The following TMTC2 variants were observed in gnomAD, a reference collection of about 807,000 sequenced individuals.
TMTC2 encodes the protein protein O-mannosyl-transferase TMTC2.
A neutral mutation model predicts 82.4 loss-of-function variants in TMTC2; 43 were observed. That is an observed-to-expected ratio of 0.52 (90% CI 0.41 to 0.67). The LOEUF is 0.67. Ranked by LOEUF, TMTC2 falls within the 30% of genes least tolerant of loss-of-function variation. The pLI is 0.00. For missense variants in TMTC2, 919 were observed against 1,012.4 expected, an observed-to-expected ratio of 0.91 and a Z score of 1.25; for synonymous variants, 408 against 381.9, an observed-to-expected ratio of 1.07 and a Z score of -0.80.
In TMTC2 at chr12:83,134,291, A is replaced by C. The variant is rs1413729650; in HGVS notation, c.*1902A>C. 1.8e-5 allele frequency: 1 copy of C among 55,402 alleles called. No individual in the cohort carries two copies. The highest frequency in any genetic ancestry group is 7.0e-4 in the South Asian group (1 of 1,432). The allele number at this position is 55,402 out of a possible 1,614,324, so 3.4% of individuals were successfully genotyped here. On this transcript the variant is annotated 3_prime_UTR_variant, in exon 12 of 12. Coordinates refer to ENST00000321196, the MANE Select transcript of TMTC2 (RefSeq NM_152588.3). Reference sequence around the variant, plus strand: ...CATCTTTTAGTGCATTGGCAATTGCAAAAAAAAAAAAGGAATTTAATATAA... The same window carrying C: ...CATCTTTTAGTGCATTGGCAATTGCCAAAAAAAAAAAGGAATTTAATATAA...
intron 8 of TMTC2, among the ~76,000 whole-genome samples, chr12:82,990,523 C>G (rs542650761): frequency 1.3e-5 from 2 of 152,092 alleles, no homozygotes; most frequent in South Asian, 4.2e-4. Flanking sequence ...TTATTTCTTC[C>G]GTGAAGTCTT....
At chr12:82,995,930 A>G (rs1879598008) in intron 8 of TMTC2, among the ~76,000 whole-genome samples, 1 of 152,152 alleles carries the variant, frequency 6.6e-6, no homozygotes, top group Non-Finnish European at 1.5e-5. Flanking sequence ...GAGCCACCAC[A>G]CCAGCCCTTT....
intron 1 of TMTC2, among the ~76,000 whole-genome samples, chr12:82,751,566 ATAAAGT>A (rs1173459213): frequency 1.3e-5 from 2 of 152,030 alleles, no homozygotes; most frequent in Non-Finnish European, 2.9e-5. Context: ...AATAAAATAT[ATAAAGT>A]TATTTTGGAA....
At chr12:82,708,324 G>C (rs1186599752) in intron 1 of TMTC2, among the ~76,000 whole-genome samples, 3 of 152,304 alleles carry the variant, frequency 2.0e-5, no homozygotes, top group South Asian at 2.1e-4. Flanking sequence ...ACAGGTCTAC[G>C]ATGTAATTGT....
chr12:82,763,856 C>T (rs773054312), intron 1 of TMTC2, among the ~76,000 whole-genome samples: 24 of 152,092 alleles, frequency 1.6e-4, no homozygotes, highest in Non-Finnish European at 3.2e-4. Flanking sequence ...TTTCAGAGAA[C>T]GTAATAGCTT....
chr12:82,959,674 CAAGATGGATTA>C lies in TMTC2; in HGVS notation c.1599-5344_1599-5334del, dbSNP rs562540074. The stretch of plus-strand genomic sequence containing the variant: ...TTTCACCATATATAAAAAATTAACT[CAAGATGGATTA>C]AAGATTTAAGTGTAAGTCCTCAAAG... On this transcript the variant is annotated intron_variant, in intron 4 of 11. Coordinates refer to ENST00000321196, the MANE Select transcript of TMTC2 (RefSeq NM_152588.3). Among the ~76,000 whole-genome samples, 151 of 152,098 alleles carry C rather than the reference CAAGATGGATTA, an allele frequency of 9.9e-4. 1 individual carries two copies. The highest frequency in any genetic ancestry group is 1.8e-3 in the Non-Finnish European group (124 of 67,976).
intron 1 of TMTC2, among the ~76,000 whole-genome samples, chr12:82,841,995 C>T (rs2137090763): frequency 6.6e-6 from 1 of 152,204 alleles, no homozygotes; most frequent in East Asian, 1.9e-4. Context: ...ATATGGATTC[C>T]AGACAAAATG....
At chr12:82,746,511 C>G (rs922193672) in intron 1 of TMTC2, among the ~76,000 whole-genome samples, 13 of 152,070 alleles carry the variant, frequency 8.5e-5, no homozygotes, top group African/African-American at 3.1e-4. Context: ...GGACATACAC[C>G]CACATGAACC....
Position 82,687,600 on chromosome 12 carries a change from T to C in TMTC2, c.14T>C (p.Leu5Ser), listed in dbSNP as rs2136877259. ...GGCGGTGGAGAGATGATTGCAGAGT[T>C]GGTGAGCAGCGCTCTGGGGCTCGCC... is the stretch of plus-strand genomic sequence containing the variant. MIAE[L>S]VSSALGLALY... Residue 5 changes from leucine to serine, a missense_variant, in exon 1 of 12, where the codon TTG becomes TCG. Physicochemically the swap from Leu to Ser is moderately radical, Grantham distance 145. Coordinates refer to ENST00000321196, the MANE Select transcript of TMTC2 (RefSeq NM_152588.3). 6.2e-7 allele frequency: 1 copy of C among 1,600,168 alleles called. No homozygotes were observed. Among genetic ancestry groups the C allele is most frequent in the Non-Finnish European group, 8.5e-7 (1 of 1,174,794 alleles).
At chr12:83,039,843 G>T (rs7962040) in intron 9 of TMTC2, among the ~76,000 whole-genome samples, 6 of 152,218 alleles carry the variant, frequency 3.9e-5, no homozygotes, top group African/African-American at 1.4e-4. Context: ...AGAAAGAAAT[G>T]AAACTGTGTT....
intron 2 of TMTC2, among the ~76,000 whole-genome samples, chr12:82,866,253 A>AAAC (rs1555192478): frequency 7.3e-5 from 11 of 151,524 alleles, no homozygotes; most frequent in African/African-American, 2.7e-4. Context: ...TCAAAAAAAA[A>AAAC]AAAAAAAAAA....
chr12:82,803,789 TA>T (rs1303955024), intron 1 of TMTC2, among the ~76,000 whole-genome samples: 1 of 152,020 alleles, frequency 6.6e-6, no homozygotes, highest in Non-Finnish European at 1.5e-5. Context: ...TACCAACATA[TA>T]AAACCCCAAA....
intron 11 of TMTC2, among the ~76,000 whole-genome samples, chr12:83,109,998 A>G (rs1446491260): frequency 6.6e-6 from 1 of 152,142 alleles, no homozygotes; most frequent in East Asian, 1.9e-4. Flanking sequence ...TTTTCTAGAC[A>G]TTTATTCATA....
intron 2 of TMTC2, among the ~76,000 whole-genome samples, chr12:82,886,944 A>G (rs1324632616): frequency 6.6e-6 from 1 of 152,192 alleles, no homozygotes; most frequent in East Asian, 1.9e-4. Context: ...GAGCTAAGAG[A>G]AATCCTATTT....
chr12:82,905,912 C>A (rs1874274084), intron 3 of TMTC2, among the ~76,000 whole-genome samples: 1 of 150,814 alleles, frequency 6.6e-6, no homozygotes, highest in African/African-American at 2.4e-5. Flanking sequence ...GTCATTGCAC[C>A]CCAGCCTGGG....
intron 1 of TMTC2, among the ~76,000 whole-genome samples, chr12:82,761,904 CTT>C (rs1490639762): frequency 2.9e-4 from 43 of 149,616 alleles, no homozygotes; most frequent in Non-Finnish European, 5.3e-4. Context: ...TTCTTTCTTT[CTT>C]TTTCTTTTTC....
chr12:82,880,817 A>G (rs1445299365), intron 2 of TMTC2, among the ~76,000 whole-genome samples: 2 of 152,254 alleles, frequency 1.3e-5, no homozygotes, highest in Non-Finnish European at 2.9e-5. Flanking sequence ...ATGAGTTAAC[A>G]TGAAAAGAGA....
chr12:82,861,310 A>AGCTT (rs1242785253), intron 2 of TMTC2, among the ~76,000 whole-genome samples: 8 of 152,210 alleles, frequency 5.3e-5, no homozygotes, highest in Non-Finnish European at 1.2e-4. Flanking sequence ...GTGTTGCTTA[A>AGCTT]GCTTGATTCT....
chr12:82,847,612 G>T (rs1870755522), intron 1 of TMTC2, among the ~76,000 whole-genome samples: 1 of 152,158 alleles, frequency 6.6e-6, no homozygotes, highest in Non-Finnish European at 1.5e-5. Context: ...ATACTATGCA[G>T]CCATAACAAA....
Sources: gnomAD v4.1 joint callset for allele counts (sites outside exome capture counted in the v4.1 genomes callset) on GRCh38, gnomAD v4.1.1 for gene constraint, MANE v1.5 for transcripts, NCBI Gene and HGNC (gene_info 2026-07-23, HGNC 2026-07-21) for gene names.